The following TTC28 variants were observed in gnomAD, a reference collection of about 807,000 sequenced individuals.
TTC28 encodes the protein tetratricopeptide repeat domain 28, also known as tetratricopeptide repeat protein 28.
A neutral mutation model predicts 198.0 loss-of-function variants in TTC28; 61 were observed. That is an observed-to-expected ratio of 0.31 (90% confidence interval 0.25 to 0.38). TTC28 has a LOEUF of 0.38. Among genes scored for constraint, TTC28 ranks in the 10% least tolerant of loss-of-function variants. The pLI, the probability that TTC28 is intolerant of heterozygous loss-of-function variation, is 1.00. For synonymous variants in TTC28, 1,171 were observed against 1,297.8 expected, an observed-to-expected ratio of 0.90 and a Z score of 2.10; for missense variants, 2,678 against 3,164.0, an observed-to-expected ratio of 0.85 and a Z score of 3.69.
chr22:27,992,797 G>T (rs774246123), intron 18 of TTC28, 134 bp from the exon 19 acceptor site: 2 of 786,154 alleles, frequency 2.5e-6, no homozygotes, highest in Non-Finnish European at 4.0e-6. Context: ...AGCTAGACAT[G>T]TGTGTCTGTG....
intron 5 of TTC28, among the ~76,000 whole-genome samples, chr22:28,207,896 T>C (rs1204194633): frequency 2.0e-5 from 3 of 152,108 alleles, no homozygotes; most frequent in African/African-American, 7.2e-5. Flanking sequence ...GTGTGGAGTA[T>C]GAGGTACTCA....
intron 2 of TTC28, among the ~76,000 whole-genome samples, chr22:28,506,478 G>A (rs927589876): frequency 2.6e-5 from 4 of 151,854 alleles, no homozygotes; most frequent in East Asian, 3.9e-4. Context: ...CAGCTGTTCC[G>A]GTCTACCAGC....
intron 1 of TTC28, among the ~76,000 whole-genome samples, chr22:28,657,746 G>A (rs879305131): frequency 6.6e-6 from 1 of 152,112 alleles, no homozygotes; most frequent in Non-Finnish European, 1.5e-5. Context: ...AGGTGAGATG[G>A]CGCACACCTA....
At chr22:28,037,843 T>A (rs1326724464) in intron 12 of TTC28, among the ~76,000 whole-genome samples, 2 of 152,044 alleles carry the variant, frequency 1.3e-5, no homozygotes, top group Non-Finnish European at 2.9e-5. Flanking sequence ...AATCAATGTG[T>A]AAAAATCACA....
rs992975490 is a variant in TTC28 at position 28,490,821 on chromosome 22, T to C, written c.381+138731A>G. On this transcript the variant is annotated intron_variant, in intron 2 of 22. Coordinates refer to ENST00000397906, the MANE Select transcript of TTC28 (RefSeq NM_001145418.2). ...ATTTACCCCACTAACTTAATACTTC[T>C]CTAGTCAGAGAAAAAATGGCTGATA... Among the ~76,000 whole-genome samples, 5 of 152,254 alleles carry C rather than the reference T, an allele frequency of 3.3e-5. No homozygotes were observed. In the East Asian group the frequency reaches 9.6e-4, roughly 29 times the overall value.
At chr22:28,043,965 G>C (rs1804472740) in intron 12 of TTC28, among the ~76,000 whole-genome samples, 1 of 152,096 alleles carries the variant, frequency 6.6e-6, no homozygotes, top group Non-Finnish European at 1.5e-5. Flanking sequence ...CTCCCAGTGG[G>C]CCCAATATCA....
chr22:28,095,954 A>G (rs750818688), intron 11 of TTC28, among the ~76,000 whole-genome samples: 114 of 152,238 alleles, frequency 7.5e-4, no homozygotes, highest in Non-Finnish European at 4.8e-4. Context: ...CTTCCTTGAT[A>G]AATGCTTCCA....
At chr22:28,181,721 T>C (rs930400369) in intron 5 of TTC28, among the ~76,000 whole-genome samples, 1 of 152,172 alleles carries the variant, frequency 6.6e-6, no homozygotes, top group Non-Finnish European at 1.5e-5. Flanking sequence ...TCCAGGATAC[T>C]TAAGGATTCT....
At position 27,981,402 on chromosome 22, in the gene TTC28, T is replaced by TTGA. The variant is rs1300734660; in HGVS notation, c.*816_*818dup. ...TAATAGCTATAAATGCAAAGTACTA[T>TTGA]TGATAATAAAACCAAGTTGTTTATC... On this transcript the variant is annotated 3_prime_UTR_variant, in exon 23 of 23. Coordinates refer to ENST00000397906, the MANE Select transcript of TTC28 (RefSeq NM_001145418.2). 2 of 151,514 alleles carry TTGA rather than the reference T, an allele frequency of 1.3e-5. No homozygotes were observed. Among genetic ancestry groups the TTGA allele is most frequent in the Non-Finnish European group, 2.9e-5 (2 of 67,946 alleles). The allele number at this position is 151,514 out of a possible 1,614,324, so 9.4% of individuals were successfully genotyped here. A position where few individuals can be genotyped will look rare whatever the true frequency, so the allele number is the denominator to read the frequency against.
At chr22:28,546,748 A>G (rs551429018) in intron 2 of TTC28, among the ~76,000 whole-genome samples, 2 of 152,348 alleles carry the variant, frequency 1.3e-5, no homozygotes, top group South Asian at 4.1e-4. Context: ...AGATAAATAA[A>G]TTGTAATATA....
At chr22:28,552,457 T>C (rs981974495) in intron 2 of TTC28, among the ~76,000 whole-genome samples, 5 of 152,026 alleles carry the variant, frequency 3.3e-5, no homozygotes, top group Non-Finnish European at 5.9e-5. Context: ...TCTAGAAGTA[T>C]CACATTACTG....
intron 6 of TTC28, among the ~76,000 whole-genome samples, chr22:28,116,740 A>G (rs929176415): frequency 2.1e-4 from 32 of 152,222 alleles, no homozygotes; most frequent in Non-Finnish European, 5.9e-5. Flanking sequence ...TCCTCCCTTG[A>G]GCTAAGACCC....
At chr22:28,182,066 T>C (rs1265967314) in intron 5 of TTC28, among the ~76,000 whole-genome samples, 1 of 152,046 alleles carries the variant, frequency 6.6e-6, no homozygotes, top group Non-Finnish European at 1.5e-5. Flanking sequence ...GGTTAAATTC[T>C]CTCACTCACT....
chr22:28,466,208 A>G (rs2048017948), intron 2 of TTC28, among the ~76,000 whole-genome samples: 1 of 152,182 alleles, frequency 6.6e-6, no homozygotes, highest in South Asian at 2.1e-4. Flanking sequence ...AGGCAAGTCA[A>G]TTTACATTTT....
At chr22:27,994,417 G>A (rs1339323397) in intron 17 of TTC28, 1 of 152,076 alleles carries the variant, frequency 6.6e-6, no homozygotes, top group East Asian at 1.9e-4. Flanking sequence ...GCCCTCACCG[G>A]AGGGGCATGA....
chr22:28,408,669 G>A (rs553867908), intron 2 of TTC28, among the ~76,000 whole-genome samples: 4 of 152,330 alleles, frequency 2.6e-5, no homozygotes, highest in South Asian at 4.1e-4. Context: ...GATTACAGGC[G>A]TAAGCCACTG....
intron 5 of TTC28, among the ~76,000 whole-genome samples, chr22:28,185,401 A>AT: frequency 6.6e-6 from 1 of 152,310 alleles, no homozygotes; most frequent in Non-Finnish European, 1.5e-5. Context: ...TATGTTTGTT[A>AT]TAACACTCTT....
chr22:28,003,271 T>G (rs1937789706), intron 14 of TTC28, among the ~76,000 whole-genome samples: 1 of 152,116 alleles, frequency 6.6e-6, no homozygotes, highest in Non-Finnish European at 1.5e-5. Context: ...GGTGTGCCAG[T>G]GAACCTCGAA....
intron 14 of TTC28, among the ~76,000 whole-genome samples, chr22:28,003,976 T>C (rs571290419): frequency 2.6e-5 from 4 of 152,354 alleles, no homozygotes; most frequent in African/African-American, 9.6e-5. Context: ...ATTTAGGATA[T>C]GGTCCTTGCT....
Sources: allele counts gnomAD v4.1 joint callset (sites outside exome capture counted in the v4.1 genomes callset), GRCh38; gene constraint gnomAD v4.1.1; transcripts MANE v1.5; gene names NCBI Gene and HGNC (gene_info 2026-07-23, HGNC 2026-07-21).